DDX10: variants seen among roughly 807,000 people sequenced by gnomAD.
DDX10 encodes the protein DEAD-box helicase 10.
DDX10 carries 74 observed loss-of-function variants against 104.3 expected under a neutral mutation model. The ratio of observed to expected loss-of-function variants is 0.71; its 90% confidence interval spans 0.59 to 0.86. The LOEUF (loss-of-function observed/expected upper bound fraction) is 0.86. Ranked by LOEUF, DDX10 falls within the 40% of genes least tolerant of loss-of-function variation. The probability of loss-of-function intolerance (pLI) is 0.00; values close to 1 mark genes in which losing one functional copy is unlikely to be tolerated. For missense variants in DDX10, 952 were observed against 1,040.0 expected, an observed-to-expected ratio of 0.92 and a Z score of 1.16; for synonymous variants, 351 against 353.4, an observed-to-expected ratio of 0.99 and a Z score of 0.08.
chr11:108,940,363 C>T lies in DDX10; in HGVS notation c.2568C>T (p.Thr856=), dbSNP rs201962995. 40 of 1,613,974 alleles carry T rather than the reference C, an allele frequency of 2.5e-5. No individual in the cohort carries two copies. Among genetic ancestry groups the T allele is most frequent in the East Asian group, 1.1e-4 (5 of 44,830 alleles). The change falls in exon 18 of 18, where the codon ACC becomes ACT. Residue 856 remains threonine, a synonymous_variant. Coordinates refer to ENST00000322536, the MANE Select transcript of DDX10 (RefSeq NM_004398.4). ...ARWDTLEPLD[T]GLSLAEDEEL... is the part of the protein sequence containing the mutation. ...GGGACACTTTAGAGCCTTTGGATAC[C>T]GGCCTGTCTTTAGCAGAGGATGAAG...
chr11:108,928,333 C>A (rs986214952), intron 17 of DDX10, among the ~76,000 whole-genome samples: 1 of 152,164 alleles, frequency 6.6e-6, no homozygotes, highest in African/African-American at 2.4e-5. Context: ...TATGCCTGAT[C>A]CTGGCAGGGT....
At chr11:108,705,935 A>G (rs1005437850) in intron 9 of DDX10, among the ~76,000 whole-genome samples, 4 of 152,086 alleles carry the variant, frequency 2.6e-5, no homozygotes, top group African/African-American at 4.8e-5. Flanking sequence ...GAGAAGTAAC[A>G]TGGATTGGAG....
At chr11:108,746,033 A>G (rs1337313073) in intron 13 of DDX10, among the ~76,000 whole-genome samples, 1 of 152,162 alleles carries the variant, frequency 6.6e-6, no homozygotes. Flanking sequence ...TATCACTTCC[A>G]AAAAGAACTC....
At chr11:108,730,849 GT>G (rs66875438) in intron 13 of DDX10, among the ~76,000 whole-genome samples, 18,466 of 148,704 alleles carry the variant, frequency 0.12, 1,564 homozygotes, top group East Asian at 0.27. Context: ...GTACCTGCAT[GT>G]TTTTTTTTTT....
chr11:108,929,343 G>C (rs1328622365), intron 17 of DDX10, among the ~76,000 whole-genome samples: 1 of 152,188 alleles, frequency 6.6e-6, no homozygotes, highest in African/African-American at 2.4e-5. Context: ...TCTGAGGCAA[G>C]ACCTGAAGAA....
At chr11:108,828,999 G>C (rs1862434715) in intron 13 of DDX10, among the ~76,000 whole-genome samples, 1 of 152,170 alleles carries the variant, frequency 6.6e-6, no homozygotes, top group Non-Finnish European at 1.5e-5. Flanking sequence ...TGATTGATGG[G>C]CGTTTGGGTT....
At chr11:108,917,735 A>C (rs2134664058) in intron 16 of DDX10, 138 bp from the exon 17 acceptor site, 1 of 745,132 alleles carries the variant, frequency 1.3e-6, no homozygotes, top group South Asian at 2.2e-5. Flanking sequence ...TCTGAAAGTC[A>C]CATAAGGGCC....
intron 13 of DDX10, among the ~76,000 whole-genome samples, chr11:108,797,153 C>T (rs1466200697): frequency 2.0e-5 from 3 of 152,158 alleles, no homozygotes; most frequent in Non-Finnish European, 2.9e-5. Context: ...CCTGCCTCAG[C>T]CTCCTGAGTA....
chr11:108,910,781 GTGTGTGTGTC>G (rs1345885178), intron 16 of DDX10, among the ~76,000 whole-genome samples: 3 of 130,600 alleles, frequency 2.3e-5, no homozygotes, highest in South Asian at 2.5e-4. Context: ...GTGTGTGTGT[GTGTGTGTGTC>G]TGTGTGTGTC....
intron 15 of DDX10, among the ~76,000 whole-genome samples, chr11:108,844,577 T>C (rs1405719919): frequency 6.6e-6 from 1 of 152,178 alleles, no homozygotes; most frequent in African/African-American, 2.4e-5. Flanking sequence ...AGCAGTGATG[T>C]TTGTTGGGAA....
chr11:108,679,059 A>G (rs1052483163), intron 5 of DDX10, among the ~76,000 whole-genome samples: 4 of 151,762 alleles, frequency 2.6e-5, no homozygotes, highest in African/African-American at 7.3e-5. Flanking sequence ...GGGTTTCACA[A>G]TGTTGGCCAG....
chr11:108,685,393 C>A (rs557077632), intron 6 of DDX10, among the ~76,000 whole-genome samples: 17 of 151,632 alleles, frequency 1.1e-4, no homozygotes, highest in Non-Finnish European at 1.8e-4. Context: ...CTTCGGCTCG[C>A]GCACGGTGCG....
chr11:108,747,370 T>A (rs1165534662), intron 13 of DDX10, among the ~76,000 whole-genome samples: 1 of 152,156 alleles, frequency 6.6e-6, no homozygotes, highest in Non-Finnish European at 1.5e-5. Flanking sequence ...AGACATTCAG[T>A]TTGGCTCAGT....
At chr11:108,772,979 T>TTC (rs941895304) in intron 13 of DDX10, among the ~76,000 whole-genome samples, 2 of 152,218 alleles carry the variant, frequency 1.3e-5, no homozygotes, top group African/African-American at 2.4e-5. Context: ...AATTTCGGTA[T>TTC]TATTGTGAAC....
chr11:108,886,239 C>G (rs779750401), intron 16 of DDX10, among the ~76,000 whole-genome samples: 1 of 152,050 alleles, frequency 6.6e-6, no homozygotes, highest in Non-Finnish European at 1.5e-5. Context: ...ATTTGCCAGG[C>G]GCTGTGAAAG....
chr11:108,724,669 G>A (rs71489916), intron 13 of DDX10, among the ~76,000 whole-genome samples: 20,539 of 151,968 alleles, frequency 0.14, 1,539 homozygotes, highest in East Asian at 0.25. Flanking sequence ...TAACTATTAT[G>A]TATATCACTT....
chr11:108,927,192 G>C (rs1273881758), intron 17 of DDX10, among the ~76,000 whole-genome samples: 5 of 152,134 alleles, frequency 3.3e-5, no homozygotes, highest in Admixed American at 3.3e-4. Flanking sequence ...AAGCTGCTCA[G>C]ACAGTCTAAT....
intron 13 of DDX10, among the ~76,000 whole-genome samples, chr11:108,807,906 T>C (rs1415653156): frequency 6.6e-6 from 1 of 152,186 alleles, no homozygotes. Context: ...GGATCCATAG[T>C]TACTGGCAAG....
chr11:108,670,523 C>T (rs554137951), intron 1 of DDX10, among the ~76,000 whole-genome samples: 2 of 152,114 alleles, frequency 1.3e-5, no homozygotes, highest in Non-Finnish European at 1.5e-5. Context: ...AGGAGCAGCC[C>T]GGGGGAAGCA....
Sources: gnomAD v4.1 joint callset for allele counts (sites outside exome capture counted in the v4.1 genomes callset) on GRCh38, gnomAD v4.1.1 for gene constraint, MANE v1.5 for transcripts, NCBI Gene and HGNC (gene_info 2026-07-23, HGNC 2026-07-21) for gene names.